The following OGDHL variants were observed in gnomAD, a reference collection of about 807,000 sequenced individuals.
OGDHL encodes the protein oxoglutarate dehydrogenase L, also known as 2-oxoglutarate dehydrogenase-like, mitochondrial.
A neutral mutation model predicts 109.6 loss-of-function variants in OGDHL; 79 were observed. That is an observed-to-expected ratio of 0.72 (90% CI 0.60 to 0.87). The LOEUF (loss-of-function observed/expected upper bound fraction) is 0.87, where lower values mean the gene tolerates loss of function less well. Among genes scored for constraint, OGDHL ranks in the 40% least tolerant of loss-of-function variants. The pLI is 0.00. For synonymous variants in OGDHL, 528 were observed against 537.2 expected (o/e 0.98, Z 0.24); for missense variants, 1,275 against 1,362.2 (o/e 0.94, Z 1.01).
intron 15 of OGDHL, among the ~76,000 whole-genome samples, chr10:49,742,383 AC>A (rs1841798248): frequency 6.4e-4 from 1 of 1,562 alleles, no homozygotes; most frequent in Non-Finnish European, 1.6e-3. Flanking sequence ...ACAAATACAC[AC>A]CACACCCCCA....
In OGDHL at chr10:49,747,098, T is replaced by A. The variant is rs758166488; in HGVS notation, c.1098A>T (p.Ala366=). The A allele has an allele frequency of 1.2e-6, 2 of 1,614,172 alleles. No individual in the cohort carries two copies. The highest frequency in any genetic ancestry group is 2.2e-5 in the South Asian group (2 of 91,088). The change falls in exon 9 of 23, where the codon GCA becomes GCT. Residue 366 remains alanine (A), a synonymous_variant. Transcript: ENST00000374103. ...TCTTCCCCTGCACCACAGGGTCCAC[T>A]GCCTCCAGGTGGGAGGGGTTGGCAA... ...SLVANPSHLE[A]VDPVVQGKTK...
intron 17 of OGDHL, 76 bp from the exon 18 acceptor site, chr10:49,738,338 T>A (rs1841377337): frequency 1.3e-6 from 2 of 1,535,354 alleles, no homozygotes; most frequent in Admixed American, 1.7e-5. Context: ...GACCCCAGGC[T>A]CAGGGGAAAG....
At chr10:49,757,305 C>T (rs1230341587) in intron 2 of OGDHL, among the ~76,000 whole-genome samples, 1 of 152,216 alleles carries the variant, frequency 6.6e-6, no homozygotes, top group African/African-American at 2.4e-5. Flanking sequence ...GGCTGCTACT[C>T]TCTGTGTAGA....
At chr10:49,737,484 T>C (rs1053047434) in intron 20 of OGDHL, among the ~76,000 whole-genome samples, 1 of 152,222 alleles carries the variant, frequency 6.6e-6, no homozygotes, top group Non-Finnish European at 1.5e-5. Context: ...GACAAATGAA[T>C]GAATGATACT....
At chr10:49,752,887 C>T in intron 3 of OGDHL, 147 bp from the exon 4 acceptor site, 1 of 612,488 alleles carries the variant, frequency 1.6e-6, no homozygotes, top group Non-Finnish European at 2.9e-6. Flanking sequence ...TTCACTGCTG[C>T]CTGCGAGACC....
At chr10:49,735,961 G>C in intron 22 of OGDHL, 62 bp downstream of exon 22, 1 of 1,501,888 alleles carries the variant, frequency 6.7e-7, no homozygotes, top group Non-Finnish European at 8.9e-7. Context: ...CTATGGGACA[G>C]ATGGAGCCAG....
chr10:49,755,559 GT>G (rs201041931), intron 3 of OGDHL, among the ~76,000 whole-genome samples: 2 of 150,852 alleles, frequency 1.3e-5, no homozygotes, highest in Non-Finnish European at 1.5e-5. Flanking sequence ...ATAATACAGT[GT>G]TTTTTTTTCA....
Position 49,745,409 on chromosome 10 carries a change from G to A in OGDHL, c.1564C>T (p.Pro522Ser). 1 of 1,614,110 alleles carries A rather than the reference G, an allele frequency of 6.2e-7. No individual in the cohort carries two copies. The highest frequency in any genetic ancestry group is 8.5e-7 in the Non-Finnish European group (1 of 1,180,024). Residue 522 changes from proline to serine, a missense_variant, in exon 12 of 23, where the codon CCT becomes TCT. Coordinates refer to ENST00000374103, the MANE Select transcript of OGDHL (RefSeq NM_018245.3). Reference protein sequence around the residue: ...LMYKQIHRQVPVLKKYADKLI... With the variant: ...LMYKQIHRQVSVLKKYADKLI... ...TTGTCTGCGTACTTCTTCAGCACAG[G>A]CACCTGTCTGTGGATCTGCTTGTAC... is the stretch of plus-strand genomic sequence containing the variant.
chr10:49,757,887 G>A (rs1423303662), intron 2 of OGDHL, among the ~76,000 whole-genome samples: 2 of 152,344 alleles, frequency 1.3e-5, no homozygotes, highest in South Asian at 2.1e-4. Flanking sequence ...GAACTGAGCA[G>A]ATGAGGATAG....
At chr10:49,746,098 T>G (rs1842165248) in intron 10 of OGDHL, 121 bp from the exon 11 acceptor site, 2 of 1,131,036 alleles carry the variant, frequency 1.8e-6, no homozygotes, top group African/African-American at 3.1e-5. Context: ...AGGAGGAATG[T>G]GGGACACAAC....
intron 22 of OGDHL, among the ~76,000 whole-genome samples, chr10:49,735,783 G>A (rs904166434): frequency 5.9e-5 from 9 of 152,186 alleles, no homozygotes; most frequent in Non-Finnish European, 1.3e-4. Context: ...AGGGACTAAG[G>A]CTCCAAGGAC....
Position 49,746,848 on chromosome 10 carries a change from C to T in OGDHL, c.1198G>A (p.Ala400Thr), listed in dbSNP as rs199864072. Reference protein sequence around the residue: ...VMSILVHGDAAFAGQGVVYET... With the variant: ...VMSILVHGDATFAGQGVVYET... ...TATACCACGCCCTGGCCAGCAAAGG[C>T]GGCGTCCCCATGAACCAGGATGGAC... The change falls in exon 10 of 23, where the codon GCC becomes ACC. Residue 400 changes from alanine (A) to threonine (T), a missense_variant. Transcript: ENST00000374103. 77 of 1,614,030 alleles carry T rather than the reference C, an allele frequency of 4.8e-5. No individual in the cohort carries two copies. The highest frequency in any genetic ancestry group is 2.7e-5 in the African/African-American group (2 of 74,918).
In OGDHL at chr10:49,736,059, C is replaced by T. The variant is rs1331747020; in HGVS notation, c.2873G>A (p.Arg958His). 3.7e-6 allele frequency: 6 copies of T among 1,606,060 alleles called. No individual in the cohort carries two copies. Among genetic ancestry groups the T allele is most frequent in the Middle Eastern group, 1.7e-4 (1 of 6,016 alleles). ...NMGYYDYISP[R>H]FMTILRRARP... Reference sequence around the variant, plus strand: ...TGCGCGCCTCAGGATGGTCATGAAGCGTGGGCTGATGTAGTCATAGTAGCC... The same window carrying T: ...TGCGCGCCTCAGGATGGTCATGAAGTGTGGGCTGATGTAGTCATAGTAGCC... Residue 958 changes from arginine (R) to histidine (H), a missense_variant, in exon 22 of 23, where the codon CGC (arginine) becomes CAC (histidine). By Grantham distance (29) the Arg-to-His change is conservative. Transcript: ENST00000374103.
intron 3 of OGDHL, among the ~76,000 whole-genome samples, chr10:49,756,149 C>T (rs893577): frequency 0.012 from 1,903 of 152,342 alleles, 40 homozygotes; most frequent in African/African-American, 0.043. Context: ...ATTTCCCTGA[C>T]GGAATACCTC....
At chr10:49,747,360 A>C in intron 8 of OGDHL, 152 bp from the exon 9 acceptor site, 3 of 785,534 alleles carry the variant, frequency 3.8e-6, no homozygotes, top group Non-Finnish European at 6.1e-6. Context: ...CTCTCTCCTC[A>C]TCACACTGCC....
intron 15 of OGDHL, among the ~76,000 whole-genome samples, chr10:49,741,718 A>C (rs898592120): frequency 3.4e-5 from 5 of 148,992 alleles, no homozygotes; most frequent in Admixed American, 2.0e-4. Context: ...ACACATACAT[A>C]CACACACACC....
chr10:49,746,262 G>A (rs952700253), intron 10 of OGDHL, among the ~76,000 whole-genome samples: 1 of 152,140 alleles, frequency 6.6e-6, no homozygotes, highest in Admixed American at 6.5e-5. Context: ...TCCTAACAAC[G>A]GCTAACTGCA....
chr10:49,752,000 A>G lies in OGDHL; in HGVS notation c.595-19T>C. The G allele has an allele frequency of 6.2e-7, 1 of 1,613,692 alleles. No individual in the cohort carries two copies. The highest frequency in any genetic ancestry group is 8.5e-7 in the Non-Finnish European group (1 of 1,179,884). ...AGGTGTTCTGGGGAGACACATTGGG[A>G]CCCCATGAGGAGCGGGGAAGAGGGA... On this transcript the variant is annotated intron_variant, in intron 5 of 22. Transcript: ENST00000374103.
In OGDHL at chr10:49,734,896, G is replaced by A. The variant is rs774375826; in HGVS notation, c.*332C>T. 7 of 191,088 alleles carry A rather than the reference G, an allele frequency of 3.7e-5. No homozygotes were observed. Among genetic ancestry groups the A allele is most frequent in the African/African-American group, 1.2e-4 (5 of 42,814 alleles). The allele number at this position is 191,088 out of a possible 1,614,324, so 11.8% of individuals were successfully genotyped here. A position where few individuals can be genotyped will look rare whatever the true frequency, so the allele number is the denominator to read the frequency against. The stretch of plus-strand genomic sequence containing the variant: ...GGGGCGAGCAGCAGCCAGGGCTGCC[G>A]GGATGGGAGCGGCCACAGACACAGG... On this transcript the variant is annotated 3_prime_UTR_variant, in exon 23 of 23. Transcript: ENST00000374103.
Sources: gnomAD v4.1 joint callset for allele counts (sites outside exome capture counted in the v4.1 genomes callset) on GRCh38, gnomAD v4.1.1 for gene constraint, MANE v1.5 for transcripts, NCBI Gene and HGNC (gene_info 2026-07-23, HGNC 2026-07-21) for gene names.